Variants in CCDC172 observed in about 807,000 individuals in gnomAD.
CCDC172 encodes the protein coiled-coil domain-containing protein 172.
Under a neutral mutation model 38.0 loss-of-function variants are expected in CCDC172, and 30 were observed. That is an observed-to-expected ratio of 0.79 (90% CI 0.59 to 1.07). The LOEUF is 1.07. Ranked by LOEUF, CCDC172 falls within the 50% of genes least tolerant of loss-of-function variation. CCDC172 has a pLI of 0.00. For synonymous variants in CCDC172, 78 were observed against 88.3 expected (o/e 0.88, Z 0.66); for missense variants, 297 against 290.1 (o/e 1.02, Z -0.17).
intron 7 of CCDC172, among the ~76,000 whole-genome samples, chr10:116,360,330 G>T (rs2134954614): frequency 6.6e-6 from 1 of 152,134 alleles, no homozygotes; most frequent in East Asian, 1.9e-4. Flanking sequence ...CCCACTTATG[G>T]TTCATCTTTC....
At position 116,378,658 on chromosome 10, in the gene CCDC172, A is replaced by T. The variant is rs956560291; in HGVS notation, c.741+148A>T. The T allele has an allele frequency of 3.8e-5, 24 of 633,594 alleles. 1 individual carries two copies. The South Asian group carries it at 4.8e-4, about 13-fold the overall frequency. 39.2% of individuals were successfully genotyped at this position (633,594 alleles called of 1,614,324 possible). ...AATAATGAAGATAACTAGGATCAGG[A>T]TGTAAATCTATGAAGTGTTTTGAGT... On this transcript the variant is annotated intron_variant, in intron 8 of 8. Transcript: ENST00000333254.
chr10:116,360,808 G>A (rs1021019945), intron 7 of CCDC172, among the ~76,000 whole-genome samples: 1 of 151,980 alleles, frequency 6.6e-6, no homozygotes, highest in Non-Finnish European at 1.5e-5. Context: ...AAAGCCTGTG[G>A]GGTCCACTGC....
At position 116,370,490 on chromosome 10, in the gene CCDC172, T is replaced by G. The variant is rs11197639; in HGVS notation, c.654-7933T>G. On this transcript the variant is annotated intron_variant, in intron 7 of 8. Transcript: ENST00000333254. ...GAGTCTATCTCTTTTTCCCAGTGGT[T>G]TGAGGTGTCACCTCTATTATCTACT... Among the ~76,000 whole-genome samples, 14 of 152,086 alleles carry G rather than the reference T, an allele frequency of 9.2e-5. No homozygotes were observed. The East Asian group carries it at 1.7e-3, about 19-fold the overall frequency.
chr10:116,376,837 G>A (rs1428368578), intron 7 of CCDC172, among the ~76,000 whole-genome samples: 3 of 152,058 alleles, frequency 2.0e-5, no homozygotes, highest in Non-Finnish European at 2.9e-5. Flanking sequence ...GCATGAGAAG[G>A]GTGACACACT....
chr10:116,328,862 T>G, intron 3 of CCDC172, among the ~76,000 whole-genome samples: 1 of 152,288 alleles, frequency 6.6e-6, no homozygotes, highest in African/African-American at 2.4e-5. Flanking sequence ...AAATCACAAA[T>G]TATTATCATT....
chr10:116,348,860 T>A (rs1811308494), intron 5 of CCDC172, among the ~76,000 whole-genome samples: 1 of 152,144 alleles, frequency 6.6e-6, no homozygotes, highest in African/African-American at 2.4e-5. Context: ...AATACTTTTT[T>A]AATCCTTTAT....
intron 7 of CCDC172, among the ~76,000 whole-genome samples, chr10:116,372,832 A>G (rs1473443949): frequency 2.0e-5 from 3 of 152,196 alleles, no homozygotes; most frequent in Non-Finnish European, 1.5e-5. Flanking sequence ...TAATAACTAT[A>G]GAAGACTTCT....
chr10:116,365,888 T>C (rs941945878), intron 7 of CCDC172, among the ~76,000 whole-genome samples: 1 of 152,194 alleles, frequency 6.6e-6, no homozygotes, highest in Non-Finnish European at 1.5e-5. Context: ...TGGTACAGGT[T>C]TGTAACCTAT....
chr10:116,363,259 C>T (rs972217903), intron 7 of CCDC172, among the ~76,000 whole-genome samples: 6 of 152,068 alleles, frequency 3.9e-5, no homozygotes, highest in Admixed American at 1.3e-4. Context: ...CTGGCAGGAC[C>T]GCTCCCTCTT....
intron 3 of CCDC172, among the ~76,000 whole-genome samples, chr10:116,331,440 T>C (rs949541691): frequency 2.1e-5 from 3 of 144,586 alleles, no homozygotes; most frequent in African/African-American, 5.1e-5. Flanking sequence ...TATTGATCTG[T>C]TTATTATTTG....
chr10:116,331,544 T>C (rs1403821981), intron 3 of CCDC172, among the ~76,000 whole-genome samples: 2 of 152,184 alleles, frequency 1.3e-5, no homozygotes, highest in Admixed American at 6.6e-5. Flanking sequence ...AGTGCCTGAA[T>C]AATAGTAGGT....
intron 3 of CCDC172, among the ~76,000 whole-genome samples, chr10:116,334,486 T>C (rs1238078155): frequency 6.6e-6 from 1 of 152,120 alleles, no homozygotes; most frequent in African/African-American, 2.4e-5. Context: ...TGGATTTATA[T>C]TTTTCTTAAA....
chr10:116,328,953 A>G (rs1338083360), intron 3 of CCDC172, among the ~76,000 whole-genome samples: 1 of 152,122 alleles, frequency 6.6e-6, no homozygotes, highest in African/African-American at 2.4e-5. Context: ...GATCCTACCA[A>G]TATTTAATTT....
At position 116,379,398 on chromosome 10, in the gene CCDC172, A is replaced by C. The variant is rs767540479; in HGVS notation, c.*40A>C. On this transcript the variant is annotated 3_prime_UTR_variant, in exon 9 of 9. Transcript: ENST00000333254. ...ATCAGCCATCTGAGATTTGATCAGA[A>C]TATCTGAGAATCAAATCTTTGTGAT... The C allele has an allele frequency of 1.9e-5, 26 of 1,403,018 alleles. No homozygotes were observed. Among genetic ancestry groups the C allele is most frequent in the Non-Finnish European group, 2.5e-5 (26 of 1,019,934 alleles). The allele number at this position is 1,403,018 out of a possible 1,614,324, so 86.9% of individuals were successfully genotyped here.
At chr10:116,338,188 C>T (rs1376231259) in intron 3 of CCDC172, among the ~76,000 whole-genome samples, 1 of 152,144 alleles carries the variant, frequency 6.6e-6, no homozygotes, top group Non-Finnish European at 1.5e-5. Context: ...GGCCTCTATT[C>T]TTGTCCTTCC....
At position 116,325,011 on chromosome 10, in the gene CCDC172, G is replaced by A. The variant is rs774113158; in HGVS notation, c.-1G>A. On this transcript the variant is annotated 5_prime_UTR_variant, in exon 2 of 9. Coordinates refer to ENST00000333254, the MANE Select transcript of CCDC172 (RefSeq NM_198515.3). ...AAGGATCGCAGGAGCCAGGCCCTGA[G>A]ATGAGCTTGGAGTCCCTGTTTCAGC... 6.2e-7 allele frequency: 1 copy of A among 1,613,926 alleles called. No homozygotes were observed. The highest frequency in any genetic ancestry group is 8.5e-7 in the Non-Finnish European group (1 of 1,179,840).
At chr10:116,325,256 G>A (rs1320091086) in intron 2 of CCDC172, 47 bp from the exon 3 acceptor site, 1 of 1,562,648 alleles carries the variant, frequency 6.4e-7, no homozygotes, top group Admixed American at 1.7e-5. Context: ...ACCAAAATGG[G>A]GACTTTAGAA....
Position 116,357,403 on chromosome 10 carries a change from A to C in CCDC172, c.472A>C (p.Ser158Arg). Residue 158 changes from serine to arginine, a missense_variant, in exon 6 of 9, where the codon AGT becomes CGT. Transcript: ENST00000333254. ...KSEMKSMEHD[S>R]SQLNELQKQK... is the part of the protein sequence containing the mutation. ...AGAAATGAAGTCAATGGAACATGAT[A>C]GTAGCCAGTTAAATGAACTTCAAAA... 6.3e-7 allele frequency: 1 copy of C among 1,575,756 alleles called. No individual in the cohort carries two copies. The highest frequency in any genetic ancestry group is 8.6e-7 in the Non-Finnish European group (1 of 1,164,118).
chr10:116,360,750 T>C (rs998266690), intron 7 of CCDC172, among the ~76,000 whole-genome samples: 3 of 152,090 alleles, frequency 2.0e-5, no homozygotes, highest in African/African-American at 7.2e-5. Flanking sequence ...GTTTTCCCAC[T>C]CTGCTTCTCC....
Sources: gnomAD v4.1 joint callset for allele counts (sites outside exome capture counted in the v4.1 genomes callset) on GRCh38, gnomAD v4.1.1 for gene constraint, MANE v1.5 for transcripts, NCBI Gene and HGNC (gene_info 2026-07-23, HGNC 2026-07-21) for gene names.